Variants in CHRM3 observed in about 807,000 individuals in gnomAD.
The protein encoded by CHRM3 is muscarinic acetylcholine receptor M3.
A neutral mutation model predicts 41.8 loss-of-function variants in CHRM3; 11 were observed. The ratio of observed to expected loss-of-function variants is 0.26; its 90% CI spans 0.17 to 0.44. The LOEUF (loss-of-function observed/expected upper bound fraction) is 0.44. Ranked by LOEUF, CHRM3 falls within the 20% of genes least tolerant of loss-of-function variation. CHRM3 has a pLI of 1.00. For synonymous variants in CHRM3, 297 were observed against 301.4 expected (o/e 0.99, Z 0.15); for missense variants, 571 against 745.4 (o/e 0.77, Z 2.72).
chr1:239,530,096 G>A (rs989732304), intron 2 of CHRM3, among the ~76,000 whole-genome samples: 4 of 151,992 alleles, frequency 2.6e-5, no homozygotes, highest in Admixed American at 6.6e-5. Context: ...GTAGAGATGG[G>A]GTTTCACCGT....
At chr1:239,605,305 G>A (rs1403891621) in intron 3 of CHRM3, among the ~76,000 whole-genome samples, 2 of 152,074 alleles carry the variant, frequency 1.3e-5, no homozygotes, top group Non-Finnish European at 1.5e-5. Context: ...ATGTTTAGAT[G>A]CACTAATACT....
intron 3 of CHRM3, among the ~76,000 whole-genome samples, chr1:239,576,074 C>T (rs1183868538): frequency 6.6e-6 from 1 of 152,066 alleles, no homozygotes; most frequent in Non-Finnish European, 1.5e-5. Context: ...TAGTATTTGG[C>T]CTTTTGCAGC....
chr1:239,744,778 C>G (rs1665199249), intron 5 of CHRM3, among the ~76,000 whole-genome samples: 1 of 152,004 alleles, frequency 6.6e-6, no homozygotes, highest in Non-Finnish European at 1.5e-5. Flanking sequence ...CTGGTAAATA[C>G]CCATGGAAGT....
At chr1:239,679,477 G>A (rs1658346684) in intron 5 of CHRM3, among the ~76,000 whole-genome samples, 1 of 152,110 alleles carries the variant, frequency 6.6e-6, no homozygotes, top group African/African-American at 2.4e-5. Flanking sequence ...GAACAGGAGG[G>A]AGGGAGAGTG....
chr1:239,717,627 G>T (rs2148299705), intron 5 of CHRM3, among the ~76,000 whole-genome samples: 1 of 152,134 alleles, frequency 6.6e-6, no homozygotes, highest in South Asian at 2.1e-4. Context: ...AGGAATTTGG[G>T]ATTCAAGGGG....
intron 1 of CHRM3, among the ~76,000 whole-genome samples, chr1:239,414,025 G>A (rs557497524): frequency 1.3e-5 from 2 of 152,286 alleles, no homozygotes; most frequent in South Asian, 4.1e-4. Flanking sequence ...AAGAATTTGA[G>A]TTTTAGACTT....
chr1:239,914,366 A>G lies in CHRM3; in HGVS notation c.*5142A>G, dbSNP rs1680533949. 6.0e-6 allele frequency: 1 copy of G among 167,108 alleles called. No individual in the cohort carries two copies. Among genetic ancestry groups the G allele is most frequent in the Non-Finnish European group, 1.5e-5 (1 of 68,134 alleles). The allele number at this position is 167,108 out of a possible 1,614,324, so 10.4% of individuals were successfully genotyped here. On this transcript the variant is annotated 3_prime_UTR_variant, in exon 7 of 7. Transcript: ENST00000676153. ...TAACCTCCTTATTAATATAACAAAT[A>G]TTATCAACATTCTGTGCACATCAAT... is the stretch of plus-strand genomic sequence containing the variant.
chr1:239,758,954 G>A (rs1268273173), intron 5 of CHRM3, among the ~76,000 whole-genome samples: 2 of 152,122 alleles, frequency 1.3e-5, no homozygotes, highest in African/African-American at 4.8e-5. Context: ...GAAATGTGAA[G>A]CCTAAGGCTT....
chr1:239,658,114 A>G (rs1672874530), intron 4 of CHRM3, among the ~76,000 whole-genome samples: 1 of 152,204 alleles, frequency 6.6e-6, no homozygotes, highest in Admixed American at 6.5e-5. Flanking sequence ...TGAGACTGAG[A>G]GTTAAGTATC....
At chr1:239,483,098 A>G (rs1166805396) in intron 1 of CHRM3, among the ~76,000 whole-genome samples, 2 of 152,156 alleles carry the variant, frequency 1.3e-5, no homozygotes, top group Non-Finnish European at 2.9e-5. Context: ...TATGAAGGGG[A>G]AAAGGGATAA....
chr1:239,812,832 G>A (rs1032743376), intron 5 of CHRM3, among the ~76,000 whole-genome samples: 1 of 152,188 alleles, frequency 6.6e-6, no homozygotes, highest in Admixed American at 6.5e-5. Context: ...AGGCTCAGAG[G>A]GGTTAAATGT....
intron 4 of CHRM3, among the ~76,000 whole-genome samples, chr1:239,666,902 A>C (rs774485876): frequency 1.6e-4 from 25 of 152,118 alleles, no homozygotes; most frequent in Non-Finnish European, 3.4e-4. Flanking sequence ...GCTCCCACTT[A>C]CAGGGAGAAC....
At chr1:239,723,252 A>C (rs2148355519) in intron 5 of CHRM3, among the ~76,000 whole-genome samples, 1 of 152,096 alleles carries the variant, frequency 6.6e-6, no homozygotes, top group South Asian at 2.1e-4. Flanking sequence ...TAAGGATAAA[A>C]CAGTGCCTAA....
chr1:239,882,972 G>T (rs929097361), intron 6 of CHRM3, among the ~76,000 whole-genome samples: 26 of 152,340 alleles, frequency 1.7e-4, no homozygotes, highest in African/African-American at 6.0e-4. Flanking sequence ...ATCTCTTCAA[G>T]ATGATTTGAG....
chr1:239,530,352 T>A (rs1401827142), intron 2 of CHRM3, among the ~76,000 whole-genome samples: 2 of 152,190 alleles, frequency 1.3e-5, no homozygotes, highest in African/African-American at 2.4e-5. Flanking sequence ...TATGATATAT[T>A]TTTAACTATA....
chr1:239,779,952 T>G (rs1433394113), intron 5 of CHRM3, among the ~76,000 whole-genome samples: 1 of 152,228 alleles, frequency 6.6e-6, no homozygotes, highest in African/African-American at 2.4e-5. Context: ...TTCATGTCAG[T>G]TCATGTCTTG....
At chr1:239,875,523 A>G (rs1340441921) in intron 6 of CHRM3, among the ~76,000 whole-genome samples, 3 of 152,202 alleles carry the variant, frequency 2.0e-5, no homozygotes, top group Admixed American at 2.0e-4. Context: ...CTACACAAAA[A>G]CCATTCTCAG....
chr1:239,737,146 A>G lies in CHRM3; in HGVS notation c.-147+58858A>G, dbSNP rs555344986. 1.8e-4 allele frequency among the ~76,000 whole-genome samples: 27 copies of G among 152,288 alleles called. No individual in the cohort carries two copies. The East Asian group carries it at 4.1e-3, about 23-fold the overall frequency. On this transcript the variant is annotated intron_variant, in intron 5 of 6. Coordinates refer to ENST00000676153, the MANE Select transcript of CHRM3 (RefSeq NM_001375978.1). ...TTACACTAAAGTATAAATAATTACA[A>G]TGATGTGCCTAAATCTACTTAAAAC...
At chr1:239,549,410 G>A (rs890194520) in intron 3 of CHRM3, among the ~76,000 whole-genome samples, 2 of 151,396 alleles carry the variant, frequency 1.3e-5, no homozygotes, top group Admixed American at 1.3e-4. Flanking sequence ...AGCACTTTGG[G>A]AGGCTGAGAT....
Sources: gnomAD v4.1 joint callset for allele counts (sites outside exome capture counted in the v4.1 genomes callset) on GRCh38, gnomAD v4.1.1 for gene constraint, MANE v1.5 for transcripts, NCBI Gene and HGNC (gene_info 2026-07-23, HGNC 2026-07-21) for gene names.